RARB: variants seen among roughly 807,000 people sequenced by gnomAD.
RARB encodes retinoic acid receptor beta, also known as HBV-activated protein.
RARB carries 17 observed loss-of-function variants against 51.9 expected under a neutral mutation model. That is an observed-to-expected ratio of 0.33 (90% confidence interval 0.22 to 0.49). The LOEUF is 0.49. RARB is among the 20% of genes least tolerant of loss of function. The pLI is 0.99. For missense variants in RARB, 369 were observed against 550.8 expected (o/e 0.67, Z 3.30); for synonymous variants, 215 against 195.4 (o/e 1.10, Z -0.84).
chr3:25,471,640 T>A (rs1413722960), intron 2 of RARB, among the ~76,000 whole-genome samples: 1 of 151,860 alleles, frequency 6.6e-6, no homozygotes, highest in East Asian at 1.9e-4. Flanking sequence ...AAATAGTTTA[T>A]TTAATTTGGT....
chr3:25,209,842 T>A (rs1701647580), intron 5 of RARB, among the ~76,000 whole-genome samples: 1 of 152,192 alleles, frequency 6.6e-6, no homozygotes, highest in Admixed American at 6.5e-5. Flanking sequence ...TTTGGAAATT[T>A]TGCACCTGTC....
intron 1 of RARB, among the ~76,000 whole-genome samples, chr3:24,856,864 G>C (rs892964130): frequency 6.6e-6 from 1 of 152,174 alleles, no homozygotes; most frequent in Non-Finnish European, 1.5e-5. Context: ...TAAGTTGCTT[G>C]AATCTGTCTC....
chr3:24,974,430 T>C (rs1196236457), intron 2 of RARB, among the ~76,000 whole-genome samples: 1 of 152,148 alleles, frequency 6.6e-6, no homozygotes, highest in Admixed American at 6.6e-5. Flanking sequence ...ATAAGAGTTT[T>C]GCACAGCAGC....
chr3:25,021,269 A>T (rs1187590248), intron 2 of RARB, among the ~76,000 whole-genome samples: 1 of 152,212 alleles, frequency 6.6e-6, no homozygotes, highest in Non-Finnish European at 1.5e-5. Flanking sequence ...TTGAATCTCC[A>T]TCCCTAGAAG....
chr3:25,586,055 C>A (rs1300566905), intron 5 of RARB, among the ~76,000 whole-genome samples: 5 of 152,124 alleles, frequency 3.3e-5, no homozygotes, highest in Non-Finnish European at 7.3e-5. Context: ...AGCCGCCCAT[C>A]TGGCCCAACT....
At chr3:24,882,422 T>G (rs1036985219) in intron 2 of RARB, among the ~76,000 whole-genome samples, 1 of 152,222 alleles carries the variant, frequency 6.6e-6, no homozygotes, top group African/African-American at 2.4e-5. Flanking sequence ...TAGAGATGAT[T>G]TGAAGTATAT....
chr3:25,195,800 C>A (rs1701218683), intron 5 of RARB, among the ~76,000 whole-genome samples: 1 of 151,736 alleles, frequency 6.6e-6, no homozygotes, highest in Non-Finnish European at 1.5e-5. Flanking sequence ...TAAAAGAAAG[C>A]CATGTCTTGA....
chr3:25,069,989 C>T (rs6791615), intron 3 of RARB, among the ~76,000 whole-genome samples: 9,333 of 152,178 alleles, frequency 0.061, 374 homozygotes, highest in Non-Finnish European at 0.095. Flanking sequence ...CTGGACAGTT[C>T]TGGAGGCTTA....
intron 2 of RARB, among the ~76,000 whole-genome samples, chr3:24,945,376 C>T (rs532598806): frequency 6.6e-6 from 1 of 152,286 alleles, no homozygotes; most frequent in African/African-American, 2.4e-5. Flanking sequence ...GAAGCTAAGT[C>T]AGGATAACAG....
At chr3:25,347,918 C>T (rs962062613) in intron 5 of RARB, among the ~76,000 whole-genome samples, 1 of 152,172 alleles carries the variant, frequency 6.6e-6, no homozygotes, top group Non-Finnish European at 1.5e-5. Flanking sequence ...GAAGACTCTA[C>T]TCAGGAAAGT....
At chr3:25,132,506 C>T (rs1298613348) in intron 4 of RARB, among the ~76,000 whole-genome samples, 1 of 151,804 alleles carries the variant, frequency 6.6e-6, no homozygotes, top group African/African-American at 2.4e-5. Flanking sequence ...TTATTATATG[C>T]TAGGCATTGT....
intron 5 of RARB, among the ~76,000 whole-genome samples, chr3:25,318,965 C>T (rs993726194): frequency 2.6e-5 from 4 of 152,074 alleles, no homozygotes; most frequent in Non-Finnish European, 5.9e-5. Flanking sequence ...TGTCTTTCCC[C>T]GGGACTCCAT....
rs149976069 is a variant in RARB at position 25,309,486 on chromosome 3, CTTTTTTTTT to C, written c.178+134932_178+134940del. Reference sequence around the variant, plus strand: ...CTGATTCCTTAACATCTCATAGTTGCTTTTTTTTTTTTTTTTTTTTTTTTTTTTTGAGAT... The same window carrying C: ...CTGATTCCTTAACATCTCATAGTTGCTTTTTTTTTTTTTTTTTTTTGAGAT... On this transcript the variant is annotated intron_variant, in intron 5 of 11. Coordinates refer to the RARB transcript ENST00000383772. 3.8e-4 allele frequency among the ~76,000 whole-genome samples: 22 copies of C among 58,076 alleles called. No individual in the cohort carries two copies. The East Asian group carries it at 4.3e-3, about 11-fold the overall frequency. The allele number at this position is 58,076 out of a possible 152,430, so 38.1% of individuals were successfully genotyped here. A position where few individuals can be genotyped will look rare whatever the true frequency, so the allele number is the denominator to read the frequency against.
chr3:25,515,817 TTAATC>T (rs1386527747), intron 3 of RARB, among the ~76,000 whole-genome samples: 4 of 152,162 alleles, frequency 2.6e-5, no homozygotes, highest in African/African-American at 7.2e-5. Flanking sequence ...ATTCTAAACT[TTAATC>T]TGATATGTAC....
chr3:24,985,707 T>C (rs1016464824), intron 2 of RARB, among the ~76,000 whole-genome samples: 5 of 152,218 alleles, frequency 3.3e-5, no homozygotes, highest in Admixed American at 1.3e-4. Flanking sequence ...TGTTCATTTT[T>C]TTTCCATTTT....
chr3:25,149,545 G>T (rs1212212996), intron 4 of RARB, among the ~76,000 whole-genome samples: 2 of 152,188 alleles, frequency 1.3e-5, no homozygotes, highest in African/African-American at 2.4e-5. Context: ...AGGATATGGT[G>T]CAATCAAGTC....
intron 3 of RARB, among the ~76,000 whole-genome samples, chr3:25,087,329 T>G (rs112845155): frequency 7.2e-5 from 11 of 152,264 alleles, no homozygotes; most frequent in African/African-American, 2.6e-4. Context: ...TTTTATTTTT[T>G]GATTTACAGA....
chr3:24,910,321 A>G (rs1559392500), intron 2 of RARB, among the ~76,000 whole-genome samples: 2 of 152,164 alleles, frequency 1.3e-5, no homozygotes, highest in Non-Finnish European at 2.9e-5. Context: ...TAGTTTTCCC[A>G]GTTAGGTTCA....
chr3:24,859,708 A>G lies in RARB; in HGVS notation c.-380+956A>G, dbSNP rs112932556. Among the ~76,000 whole-genome samples, 590 of 152,330 alleles carry G rather than the reference A, an allele frequency of 3.9e-3. 4 individuals carry two copies. Among genetic ancestry groups the G allele is most frequent in the African/African-American group, 0.013 (544 of 41,574 alleles). ...ATACTTTGGGGACTTGGAAGTTTAT[A>G]TCATACGTCTGCAAACATTTTCTGT... On this transcript the variant is annotated intron_variant, in intron 2 of 11. Coordinates refer to the RARB transcript ENST00000383772.
Sources: allele counts gnomAD v4.1 joint callset (sites outside exome capture counted in the v4.1 genomes callset), GRCh38; gene constraint gnomAD v4.1.1; transcripts MANE v1.5; gene names NCBI Gene and HGNC (gene_info 2026-07-23, HGNC 2026-07-21).